GRB14: variants seen among roughly 807,000 people sequenced by gnomAD.
GRB14 encodes the protein growth factor receptor-bound protein 14.
A neutral mutation model predicts 69.1 loss-of-function variants in GRB14; 38 were observed. The observed-to-expected ratio is 0.55, with a 90% confidence interval of 0.42 to 0.72. The LOEUF (loss-of-function observed/expected upper bound fraction) is 0.72, where lower values mean the gene tolerates loss of function less well. Among genes scored for constraint, GRB14 ranks in the 30% least tolerant of loss-of-function variants. GRB14 has a pLI of 0.00. For missense variants in GRB14, 666 were observed against 666.1 expected (o/e 1.00, Z 0.00); for synonymous variants, 247 against 241.3 (o/e 1.02, Z -0.22).
intron 13 of GRB14, 129 bp from the exon 14 acceptor site, chr2:164,493,311 T>A (rs780858689): frequency 1.9e-5 from 14 of 743,880 alleles, no homozygotes; most frequent in Non-Finnish European, 3.0e-5. Context: ...GTGAAAAGAA[T>A]GTTACGGCAT....
intron 2 of GRB14, among the ~76,000 whole-genome samples, chr2:164,617,968 G>T (rs1235335050): frequency 1.5e-4 from 20 of 136,842 alleles, no homozygotes; most frequent in South Asian, 1.1e-3. Flanking sequence ...TTGGGGGGGG[G>T]GGGGTAGTGT....
chr2:164,555,328 A>C (rs955881204), intron 2 of GRB14, among the ~76,000 whole-genome samples: 4 of 152,350 alleles, frequency 2.6e-5, no homozygotes, highest in Non-Finnish European at 5.9e-5. Context: ...GAAAGTCATT[A>C]ATTATGCCAT....
chr2:164,606,861 A>AG, intron 2 of GRB14, among the ~76,000 whole-genome samples: 1 of 152,342 alleles, frequency 6.6e-6, no homozygotes, highest in East Asian at 1.9e-4. Context: ...TTTCACACGC[A>AG]TATGTCACCC....
intron 5 of GRB14, among the ~76,000 whole-genome samples, chr2:164,523,083 G>A (rs557435793): frequency 2.6e-5 from 4 of 152,108 alleles, no homozygotes; most frequent in African/African-American, 7.2e-5. Context: ...GGGAAACAGG[G>A]GAGAGAGACA....
intron 3 of GRB14, among the ~76,000 whole-genome samples, chr2:164,540,468 G>A (rs766860462): frequency 6.6e-6 from 1 of 152,088 alleles, no homozygotes; most frequent in African/African-American, 2.4e-5. Flanking sequence ...AATTAGCTGG[G>A]TGTGGTGTCA....
chr2:164,620,843 G>A (rs1386189663), intron 1 of GRB14, among the ~76,000 whole-genome samples: 1 of 152,198 alleles, frequency 6.6e-6, no homozygotes, highest in Non-Finnish European at 1.5e-5. Flanking sequence ...AACAGAAGGT[G>A]ATCAGCCTGC....
chr2:164,532,808 T>A (rs1687981808), intron 3 of GRB14, among the ~76,000 whole-genome samples: 1 of 152,180 alleles, frequency 6.6e-6, no homozygotes, highest in Non-Finnish European at 1.5e-5. Flanking sequence ...GAAATCAATA[T>A]AATAATGTAA....
intron 5 of GRB14, among the ~76,000 whole-genome samples, 164 bp from the exon 6 acceptor site, chr2:164,522,281 T>C (rs1446141674): frequency 6.6e-6 from 1 of 152,080 alleles, no homozygotes; most frequent in Non-Finnish European, 1.5e-5. Context: ...CTGCATTGCT[T>C]TGATAGTCCT....
At chr2:164,512,059 G>T (rs749289145) in intron 6 of GRB14, among the ~76,000 whole-genome samples, 2 of 152,154 alleles carry the variant, frequency 1.3e-5, no homozygotes, top group Admixed American at 6.5e-5. Context: ...AGTGAAAAGT[G>T]GGGGGAAGAG....
intron 2 of GRB14, among the ~76,000 whole-genome samples, chr2:164,562,885 A>G (rs1251713944): frequency 6.6e-6 from 1 of 152,198 alleles, no homozygotes; most frequent in Non-Finnish European, 1.5e-5. Flanking sequence ...ACACTTCCTA[A>G]AAACTCACTT....
chr2:164,529,672 G>A (rs968522596), intron 3 of GRB14, among the ~76,000 whole-genome samples: 9 of 152,084 alleles, frequency 5.9e-5, no homozygotes, highest in African/African-American at 1.2e-4. Flanking sequence ...AGGTCCCACT[G>A]TCACCATTTC....
intron 2 of GRB14, among the ~76,000 whole-genome samples, chr2:164,565,095 AT>A (rs1267428589): frequency 6.6e-6 from 1 of 152,224 alleles, no homozygotes; most frequent in African/African-American, 2.4e-5. Context: ...CCGAATCAGG[AT>A]ATGGATGTAA....
chr2:164,545,334 A>T (rs540578120), intron 3 of GRB14, among the ~76,000 whole-genome samples: 2 of 152,190 alleles, frequency 1.3e-5, no homozygotes, highest in South Asian at 2.1e-4. Context: ...AATTTTGCAG[A>T]CAGTATTAAA....
intron 3 of GRB14, among the ~76,000 whole-genome samples, chr2:164,531,522 T>C (rs1006527384): frequency 6.6e-6 from 1 of 152,126 alleles, no homozygotes; most frequent in Admixed American, 6.5e-5. Context: ...AAAGAGGCAT[T>C]TTGTTGTTTT....
In GRB14 at chr2:164,494,370, T is replaced by C; in HGVS notation, c.1476+61A>G. ...GTTTCCAAAAGCTTATGCATTAAGA[T>C]CAAAAGCTTATGCATTAAGGTCATT... is the stretch of plus-strand genomic sequence containing the variant. On this transcript the variant is annotated intron_variant, in intron 13 of 13. Transcript: ENST00000263915. 4.4e-6 allele frequency: 4 copies of C among 899,080 alleles called. No homozygotes were observed. In the South Asian group the frequency reaches 5.5e-5, roughly 12 times the overall value. 55.7% of individuals were successfully genotyped at this position (899,080 alleles called of 1,614,324 possible).
chr2:164,547,592 G>A, intron 3 of GRB14, 68 bp downstream of exon 3: 1 of 1,180,020 alleles, frequency 8.5e-7, no homozygotes, highest in Middle Eastern at 2.0e-4. Flanking sequence ...AGAATTATTG[G>A]TGTTCAAGAG....
chr2:164,525,183 T>C, intron 4 of GRB14, 105 bp from the exon 5 acceptor site: 1 of 776,766 alleles, frequency 1.3e-6, no homozygotes. Flanking sequence ...CTGGTGTGAC[T>C]AAAATTCACC....
intron 9 of GRB14, among the ~76,000 whole-genome samples, chr2:164,497,873 T>C (rs1469959716): frequency 2.6e-5 from 4 of 152,172 alleles, no homozygotes; most frequent in South Asian, 2.1e-4. Context: ...AAAAGATACA[T>C]TGTTTCTGAA....
intron 2 of GRB14, among the ~76,000 whole-genome samples, chr2:164,598,517 T>C (rs1689840255): frequency 6.6e-6 from 1 of 152,200 alleles, no homozygotes; most frequent in South Asian, 2.1e-4. Context: ...TAACTTTTTA[T>C]AATCGTTTAC....
Sources: allele counts gnomAD v4.1 joint callset (sites outside exome capture counted in the v4.1 genomes callset), GRCh38; gene constraint gnomAD v4.1.1; transcripts MANE v1.5; gene names NCBI Gene and HGNC (gene_info 2026-07-23, HGNC 2026-07-21).